Variants in ALDH7A1 observed in about 807,000 individuals in gnomAD.
The protein encoded by ALDH7A1 is alpha-aminoadipic semialdehyde dehydrogenase.
In ALDH7A1, 63 loss-of-function variants were observed where a neutral mutation model predicts 79.9. The ratio of observed to expected loss-of-function variants is 0.79; its 90% CI spans 0.64 to 0.97. The LOEUF (loss-of-function observed/expected upper bound fraction) is 0.97. Among genes scored for constraint, ALDH7A1 ranks in the 50% least tolerant of loss-of-function variants. The probability of loss-of-function intolerance (pLI) is 0.00; values close to 1 mark genes in which losing one functional copy is unlikely to be tolerated. For missense variants in ALDH7A1, 627 were observed against 665.2 expected (o/e 0.94, Z 0.63); for synonymous variants, 240 against 231.2 (o/e 1.04, Z -0.34).
rs80234191 is a variant in ALDH7A1 at position 126,556,855 on chromosome 5, T to C, written c.1009-840A>G. Among the ~76,000 whole-genome samples the C allele has an allele frequency of 6.3e-3, 953 of 152,290 alleles. 38 individuals are homozygous for C. Among genetic ancestry groups the C allele is most frequent in the Admixed American group, 0.052 (794 of 15,286 alleles). On this transcript the variant is annotated intron_variant, in intron 11 of 17. Transcript: ENST00000409134. ...TATGCTCTGGGTTAGTCTCCACATG[T>C]GATGAATGAATTGACATTATGAGAA...
At chr5:126,582,617 G>A (rs898835596) in intron 5 of ALDH7A1, among the ~76,000 whole-genome samples, 2 of 152,160 alleles carry the variant, frequency 1.3e-5, no homozygotes, top group Non-Finnish European at 2.9e-5. Context: ...TGAGTTAAAA[G>A]TGTCTTACCC....
At chr5:126,563,715 T>C (rs1750477072) in intron 9 of ALDH7A1, among the ~76,000 whole-genome samples, 1 of 152,174 alleles carries the variant, frequency 6.6e-6, no homozygotes, top group Non-Finnish European at 1.5e-5. Context: ...GGTCTTGAAC[T>C]CCTGACCTCG....
Position 126,593,429 on chromosome 5 carries a change from T to A in ALDH7A1, c.193-25A>T, listed in dbSNP as rs767444977. 19 of 1,613,746 alleles carry A rather than the reference T, an allele frequency of 1.2e-5. No homozygotes were observed. The Admixed American group carries it at 1.5e-4, about 13-fold the overall frequency. ...CCTTAAAACAAAAGGATGATGATCA[T>A]GTATAGAAAACGTAATCCCTTTTGA... On this transcript the variant is annotated intron_variant, in intron 1 of 17. Transcript: ENST00000409134.
chr5:126,563,213 T>C (rs1214121912), intron 9 of ALDH7A1, among the ~76,000 whole-genome samples: 1 of 152,236 alleles, frequency 6.6e-6, no homozygotes, highest in Non-Finnish European at 1.5e-5. Context: ...TACTTACAAT[T>C]TGATAGTGTC....
chr5:126,576,694 G>A (rs1233533850), intron 6 of ALDH7A1, among the ~76,000 whole-genome samples: 4 of 152,180 alleles, frequency 2.6e-5, no homozygotes, highest in Admixed American at 2.6e-4. Context: ...GGGAGGCCAA[G>A]GCAGGTGGAT....
intron 5 of ALDH7A1, chr5:126,581,417 C>T (rs1311834055): frequency 6.6e-6 from 1 of 150,590 alleles, no homozygotes; most frequent in Non-Finnish European, 1.5e-5. Flanking sequence ...AGGCAGATCA[C>T]CTGAGCCCCG....
chr5:126,592,537 A>G lies in ALDH7A1; in HGVS notation c.312+127T>C, dbSNP rs1751585749. 3.3e-6 allele frequency: 3 copies of G among 922,294 alleles called. No homozygotes were observed. The Admixed American group carries it at 6.0e-5, about 18-fold the overall frequency. The allele number at this position is 922,294 out of a possible 1,614,324, so 57.1% of individuals were successfully genotyped here. A position where few individuals can be genotyped will look rare whatever the true frequency, so the allele number is the denominator to read the frequency against. On this transcript the variant is annotated intron_variant, in intron 3 of 17. Transcript: ENST00000409134. ...ACAGCAGGAGCCCTAGTACAGTATC[A>G]CAGCCCCCAAGGAGCTCACATTTTA...
Position 126,546,380 on chromosome 5 carries a change from A to G in ALDH7A1, c.1509T>C (p.Gly503=), listed in dbSNP as rs2112746264. The change falls in exon 17 of 18, where the codon GGT becomes GGC. Residue 503 remains glycine, a synonymous_variant. Transcript: ENST00000409134. ...CATCACTGCCAGACTCCCTGCCACC[A>G]CCAGTGTGCTTTTCTCCTCCTAGAG... is the stretch of plus-strand genomic sequence containing the variant. ...GGAFGGEKHT[G]GGRESGSDAW... The G allele has an allele frequency of 6.2e-7, 1 of 1,614,074 alleles. No homozygotes were observed. The highest frequency in any genetic ancestry group is 1.3e-5 in the African/African-American group (1 of 75,010).
chr5:126,576,088 C>T (rs1464945829), intron 6 of ALDH7A1, among the ~76,000 whole-genome samples: 7 of 151,952 alleles, frequency 4.6e-5, no homozygotes, highest in African/African-American at 1.7e-4. Context: ...AGTGAAACCC[C>T]TTCTCTACTA....
chr5:126,575,406 C>A lies in ALDH7A1; in HGVS notation c.695+14G>T. On this transcript the variant is annotated intron_variant, in intron 7 of 17. Transcript: ENST00000409134. ...TATTCCATACCCAGGAAAAAGAAAG[C>A]CACATGTACTTACTTTGTGACAGCC... 1.2e-6 allele frequency: 2 copies of A among 1,612,630 alleles called. No homozygotes were observed. The highest frequency in any genetic ancestry group is 1.7e-6 in the Non-Finnish European group (2 of 1,179,248).
At chr5:126,569,392 T>TATAAAG (rs1432287151) in intron 8 of ALDH7A1, 2 of 152,222 alleles carry the variant, frequency 1.3e-5, no homozygotes, top group African/African-American at 4.8e-5. Context: ...TGCTAGGATT[T>TATAAAG]CCAGTTGCTT....
chr5:126,593,308 AACACACACACACACACACAC>A, intron 2 of ALDH7A1, 23 bp downstream of exon 2: 2 of 1,545,990 alleles, frequency 1.3e-6, no homozygotes, highest in South Asian at 1.2e-5. Flanking sequence ...ATTTGAATTA[AACACACACACACACACACAC>A]ACACACACAC....
intron 16 of ALDH7A1, among the ~76,000 whole-genome samples, chr5:126,547,292 A>T (rs1749818045): frequency 6.6e-6 from 1 of 152,230 alleles, no homozygotes; most frequent in African/African-American, 2.4e-5. Context: ...CTTGAATAAA[A>T]GCTATTTCTA....
At chr5:126,551,514 G>A (rs1014079192) in intron 14 of ALDH7A1, among the ~76,000 whole-genome samples, 2 of 151,974 alleles carry the variant, frequency 1.3e-5, no homozygotes, top group African/African-American at 4.8e-5. Flanking sequence ...GTAGAGACGG[G>A]GTTTCACCAT....
At chr5:126,579,188 C>T (rs983882427) in intron 5 of ALDH7A1, among the ~76,000 whole-genome samples, 3 of 152,268 alleles carry the variant, frequency 2.0e-5, no homozygotes, top group African/African-American at 7.2e-5. Context: ...CCTACCACTG[C>T]ACCCTCCAGC....
chr5:126,578,806 C>T (rs541411574), intron 5 of ALDH7A1, among the ~76,000 whole-genome samples: 1 of 152,272 alleles, frequency 6.6e-6, no homozygotes, highest in Non-Finnish European at 1.5e-5. Context: ...CGATGGTTCA[C>T]AAATCCCAGT....
At chr5:126,570,651 A>T (rs1405662639) in intron 8 of ALDH7A1, 131 bp downstream of exon 8, 1 of 893,510 alleles carries the variant, frequency 1.1e-6, no homozygotes, top group Non-Finnish European at 1.9e-6. Flanking sequence ...AACAAAGTCC[A>T]TAATAATAAT....
At chr5:126,560,989 G>A (rs965901518) in intron 10 of ALDH7A1, 94 bp downstream of exon 10, 2 of 1,403,896 alleles carry the variant, frequency 1.4e-6, no homozygotes, top group Non-Finnish European at 2.0e-6. Context: ...TATGCAACAT[G>A]GACGAAATGA....
In ALDH7A1 at chr5:126,580,496, C is replaced by CA. The variant is rs573767363; in HGVS notation, c.517+2354dup. 3.3e-3 allele frequency among the ~76,000 whole-genome samples: 496 copies of CA among 152,202 alleles called. 2 individuals are homozygous for CA. The highest frequency in any genetic ancestry group is 0.011 in the African/African-American group (476 of 41,520). ...TCATTGCTAGATATCTAATTAAGGACATTAAGTGTCCTTAATTAGACTTAA... is the reference window on the plus strand; with the variant it reads ...TCATTGCTAGATATCTAATTAAGGACAATTAAGTGTCCTTAATTAGACTTAA... On this transcript the variant is annotated intron_variant, in intron 5 of 17. Transcript: ENST00000409134.
Sources: gnomAD v4.1 joint callset for allele counts (sites outside exome capture counted in the v4.1 genomes callset) on GRCh38, gnomAD v4.1.1 for gene constraint, MANE v1.5 for transcripts, NCBI Gene and HGNC (gene_info 2026-07-23, HGNC 2026-07-21) for gene names.